ADARB2: variants seen among roughly 807,000 people sequenced by gnomAD.
ADARB2 encodes adenosine deaminase RNA specific B2 (inactive), also known as inactive double-stranded RNA-specific editase B2.
A neutral mutation model predicts 62.2 loss-of-function variants in ADARB2; 25 were observed. That is an observed-to-expected ratio of 0.40 (90% CI 0.29 to 0.56). The LOEUF (loss-of-function observed/expected upper bound fraction) is 0.56. Among genes scored for constraint, ADARB2 ranks in the 20% least tolerant of loss-of-function variants. The pLI is 0.43. For missense variants in ADARB2, 1,071 were observed against 1,077.4 expected (o/e 0.99, Z 0.08); for synonymous variants, 572 against 500.8 (o/e 1.14, Z -1.90).
chr10:1,372,636 G>A (rs1832383337), intron 2 of ADARB2, among the ~76,000 whole-genome samples: 1 of 152,122 alleles, frequency 6.6e-6, no homozygotes, highest in Non-Finnish European at 1.5e-5. Context: ...GGGATCAAGA[G>A]GTTTGAAGGG....
intron 1 of ADARB2, among the ~76,000 whole-genome samples, chr10:1,493,729 CTTTTTT>C (rs555812632): frequency 7.0e-5 from 4 of 56,810 alleles, no homozygotes; most frequent in African/African-American, 3.3e-4. Context: ...ATATGGCATT[CTTTTTT>C]TTTTTTTTTT....
Position 1,599,901 on chromosome 10 carries a change from C to T in ADARB2, c.100+137150G>A, listed in dbSNP as rs552731148. 3.3e-5 allele frequency among the ~76,000 whole-genome samples: 5 copies of T among 152,184 alleles called. No individual in the cohort carries two copies. In the South Asian group the frequency reaches 1.0e-3, roughly 32 times the overall value. ...AGCTAGGACTCCAGGCATGCATCAC[C>T]ACACCTAATTTTTGTATTTTTTTTC... On this transcript the variant is annotated intron_variant, in intron 1 of 9. Transcript: ENST00000381312.
rs577652194 is a variant in ADARB2, at chr10:1,379,852, A to G, written c.101-692T>C. On this transcript the variant is annotated intron_variant, in intron 1 of 9. Transcript: ENST00000381312. Reference sequence around the variant, plus strand: ...GTCCCTACCACAGTGAGTGCAGCACAGCTGTGGAAATAGATCCAACCAGGA... The same window carrying G: ...GTCCCTACCACAGTGAGTGCAGCACGGCTGTGGAAATAGATCCAACCAGGA... Among the ~76,000 whole-genome samples, 5 of 152,358 alleles carry G rather than the reference A, an allele frequency of 3.3e-5. No individual in the cohort carries two copies. The South Asian group carries it at 1.0e-3, about 32-fold the overall frequency.
intron 3 of ADARB2, among the ~76,000 whole-genome samples, chr10:1,354,685 G>A (rs1478258185): frequency 6.6e-6 from 1 of 152,214 alleles, no homozygotes; most frequent in Non-Finnish European, 1.5e-5. Context: ...GGCACCCCAT[G>A]TGCTCTCCCA....
At chr10:1,208,023 A>G (rs1195625464) in intron 7 of ADARB2, among the ~76,000 whole-genome samples, 1 of 152,126 alleles carries the variant, frequency 6.6e-6, no homozygotes, top group Non-Finnish European at 1.5e-5. Flanking sequence ...CCCTCTTCCC[A>G]TGCAGGGGCA....
chr10:1,480,875 A>G (rs765482310), intron 1 of ADARB2, among the ~76,000 whole-genome samples: 1 of 152,248 alleles, frequency 6.6e-6, no homozygotes, highest in Non-Finnish European at 1.5e-5. Flanking sequence ...TAATATTATT[A>G]AGTGGATAAC....
Position 1,426,755 on chromosome 10 carries a change from A to T in ADARB2, c.101-47595T>A, listed in dbSNP as rs902342728. ...AGAGGCGGCAAGGCTGTGTGCAGACACTTTGCCCCTGGTTGACTCCTGACG... is the reference window on the plus strand; with the variant it reads ...AGAGGCGGCAAGGCTGTGTGCAGACTCTTTGCCCCTGGTTGACTCCTGACG... On this transcript the variant is annotated intron_variant, in intron 1 of 9. Coordinates refer to ENST00000381312, the MANE Select transcript of ADARB2 (RefSeq NM_018702.4). The surrounding 1 kb of genome is among the most constrained non-coding windows in gnomAD (Gnocchi z 4.1). Among the ~76,000 whole-genome samples the T allele has an allele frequency of 6.6e-6, 1 of 152,204 alleles. No individual in the cohort carries two copies. The highest frequency in any genetic ancestry group is 1.5e-5 in the Non-Finnish European group (1 of 68,038).
chr10:1,521,878 C>T (rs1832078414), intron 1 of ADARB2, among the ~76,000 whole-genome samples: 1 of 148,676 alleles, frequency 6.7e-6, no homozygotes, highest in African/African-American at 2.5e-5. Context: ...AGTCTCATAG[C>T]TCCCTAGAAT....
chr10:1,318,920 A>G (rs1486069479), intron 3 of ADARB2, among the ~76,000 whole-genome samples: 1 of 152,184 alleles, frequency 6.6e-6, no homozygotes, highest in Non-Finnish European at 1.5e-5. Context: ...CCCAGGGTAG[A>G]TGGACCGTGC....
chr10:1,355,520 A>T (rs541965703), intron 3 of ADARB2, among the ~76,000 whole-genome samples: 1 of 152,382 alleles, frequency 6.6e-6, no homozygotes, highest in South Asian at 2.1e-4. Flanking sequence ...TGTGTGACCC[A>T]GATTAAGTGC....
chr10:1,576,067 C>CAT (rs1833012582), intron 1 of ADARB2, among the ~76,000 whole-genome samples: 1 of 28,552 alleles, frequency 3.5e-5, no homozygotes, highest in Admixed American at 3.1e-4. Context: ...AGGAGGGGGC[C>CAT]CAGGGTCACA....
At chr10:1,569,256 CAG>C (rs1362873288) in intron 1 of ADARB2, among the ~76,000 whole-genome samples, 1 of 151,492 alleles carries the variant, frequency 6.6e-6, no homozygotes, top group Admixed American at 6.6e-5. Flanking sequence ...GGGGGAGAGA[CAG>C]AGAGCGAGAG....
intron 1 of ADARB2, among the ~76,000 whole-genome samples, chr10:1,658,509 A>G (rs1834201969): frequency 6.7e-6 from 1 of 149,558 alleles, no homozygotes; most frequent in African/African-American, 2.5e-5. Flanking sequence ...TTCTGTCTCT[A>G]TCTGATTCTG....
At chr10:1,502,037 C>G (rs147929098) in intron 1 of ADARB2, among the ~76,000 whole-genome samples, 2 of 152,228 alleles carry the variant, frequency 1.3e-5, no homozygotes, top group African/African-American at 4.8e-5. Flanking sequence ...AAACTGCAAT[C>G]GTGAGGAAAC....
intron 1 of ADARB2, among the ~76,000 whole-genome samples, chr10:1,380,121 AC>A (rs1158195898): frequency 2.0e-5 from 3 of 152,232 alleles, no homozygotes; most frequent in Non-Finnish European, 4.4e-5. Context: ...GGAGACGCCA[AC>A]AGAGACACAG....
At chr10:1,531,607 A>G (rs904062525) in intron 1 of ADARB2, among the ~76,000 whole-genome samples, 8 of 152,078 alleles carry the variant, frequency 5.3e-5, no homozygotes, top group African/African-American at 1.9e-4. Flanking sequence ...TGGGAGGCCG[A>G]GTGGGTGGAT....
intron 1 of ADARB2, among the ~76,000 whole-genome samples, chr10:1,668,047 T>A (rs1834335133): frequency 6.6e-6 from 1 of 152,174 alleles, no homozygotes; most frequent in African/African-American, 2.4e-5. Context: ...GGATGAGGCG[T>A]TAGCAGGAAT....
At chr10:1,550,538 C>T (rs999090908) in intron 1 of ADARB2, among the ~76,000 whole-genome samples, 10 of 152,228 alleles carry the variant, frequency 6.6e-5, no homozygotes, top group African/African-American at 2.4e-4. Context: ...CGATGGCCCA[C>T]ATGGCCCAAT....
chr10:1,452,616 T>C (rs1398501028), intron 1 of ADARB2, among the ~76,000 whole-genome samples: 2 of 52,376 alleles, frequency 3.8e-5, no homozygotes, highest in African/African-American at 8.8e-5. Context: ...GACACGGGGG[T>C]TGGGGGGGGG....
Sources: gnomAD v4.1 joint callset for allele counts (sites outside exome capture counted in the v4.1 genomes callset) on GRCh38, gnomAD v4.1.1 for gene constraint, Gnocchi (gnomAD v3.1) non-coding constraint, MANE v1.5 for transcripts, NCBI Gene and HGNC (gene_info 2026-07-23, HGNC 2026-07-21) for gene names.